GVQW3: variants seen among roughly 807,000 people sequenced by gnomAD.
GVQW3 encodes the protein protein GVQW3.
In GVQW3, 7 loss-of-function variants were observed where a neutral mutation model predicts 12.5. That is an observed-to-expected ratio of 0.56 (90% CI 0.32 to 1.05). The LOEUF is 1.05. Among genes scored for constraint, GVQW3 ranks in the 50% least tolerant of loss-of-function variants. The pLI is 0.04. For synonymous variants in GVQW3, 71 were observed against 67.2 expected (o/e 1.06, Z -0.28); for missense variants, 188 against 190.8 (o/e 0.99, Z 0.09).
chr11:76,401,693 AAC>A (rs1321296022), intron 1 of GVQW3, among the ~76,000 whole-genome samples: 4 of 151,376 alleles, frequency 2.6e-5, no homozygotes, highest in Admixed American at 1.3e-4. Flanking sequence ...GAACCACTTG[AAC>A]CTGGGAGGCG....
At chr11:76,387,760 A>G (rs1946849670) in intron 1 of GVQW3, among the ~76,000 whole-genome samples, 1 of 152,026 alleles carries the variant, frequency 6.6e-6, no homozygotes, top group Admixed American at 6.5e-5. Context: ...CATCTCTACA[A>G]AAAAATACAA....
rs1946768652 is a variant in GVQW3, at chr11:76,381,595, AT to A, written c.-231del. On this transcript the variant is annotated 5_prime_UTR_variant, in exon 1 of 2. It introduces an in-frame stop codon into an upstream open reading frame of the 5' UTR. Transcript: ENST00000529331. ...TTTGATGCAGACGTGGTTGTAGGCG[AT>A]TTAATTTTTCCCAGCTTTGCAGCGA... The A allele has an allele frequency of 4.3e-6, 2 of 469,694 alleles. No individual in the cohort carries two copies. Among genetic ancestry groups the A allele is most frequent in the Non-Finnish European group, 7.5e-6 (2 of 266,006 alleles). 29.1% of individuals were successfully genotyped at this position (469,694 alleles called of 1,614,324 possible).
At chr11:76,410,011 C>T (rs1458856477), downstream of GVQW3, among the ~76,000 whole-genome samples, 1 of 152,116 alleles carries the variant, frequency 6.6e-6, no homozygotes, top group African/African-American at 2.4e-5. Flanking sequence ...AATTCCAGCA[C>T]TTTGGGAGGC....
intron 1 of GVQW3, among the ~76,000 whole-genome samples, chr11:76,391,121 A>C (rs1470313095): frequency 6.6e-6 from 1 of 152,206 alleles, no homozygotes; most frequent in East Asian, 1.9e-4. Flanking sequence ...GTTGCTTTCT[A>C]TCTCTTGCCA....
rs1020725294 is a variant in GVQW3 at position 76,382,519 on chromosome 11, C to T, written c.465+226C>T. The stretch of plus-strand genomic sequence containing the variant: ...ATGCTGCCTCACTGTTAGGCACCTT[C>T]TTTGGCTGCTCACGTATTTTTCAGT... On this transcript the variant is annotated intron_variant, in intron 1 of 1. Transcript: ENST00000529331. The T allele has an allele frequency of 6.6e-5, 40 of 608,630 alleles. No individual in the cohort carries two copies. The African/African-American group carries it at 6.7e-4, about 10-fold the overall frequency. The allele number at this position is 608,630 out of a possible 1,614,324, so 37.7% of individuals were successfully genotyped here. A position where few individuals can be genotyped will look rare whatever the true frequency, so the allele number is the denominator to read the frequency against.
chr11:76,399,108 G>GTATTGTATTT, intron 1 of GVQW3, among the ~76,000 whole-genome samples: 1 of 152,128 alleles, frequency 6.6e-6, no homozygotes, highest in East Asian at 1.9e-4. Flanking sequence ...GTATTGTATT[G>GTATTGTATTT]TATTTTATTT....
Position 76,382,199 on chromosome 11 carries a change from G to A in GVQW3, c.371G>A (p.Gly124Asp). The A allele has an allele frequency of 1.3e-6, 2 of 1,536,190 alleles. No homozygotes were observed. The highest frequency in any genetic ancestry group is 1.7e-6 in the Non-Finnish European group (2 of 1,146,924). ...MRKISAKVIS[G>D]VLKGEPKPRK... ...AAGATTTCTGCAAAAGTTATTTCGG[G>A]TGTTTTGAAGGGTGAGCCTAAACCA... The change falls in exon 1 of 2, where the codon GGT becomes GAT. Residue 124 changes from glycine to aspartate, a missense_variant. Gly to Asp is a moderately conservative substitution (Grantham distance 94, BLOSUM62 -1). Coordinates refer to ENST00000529331, the MANE Select transcript of GVQW3 (RefSeq NM_001347885.2).
Position 76,407,947 on chromosome 11 carries a change from C to G in GVQW3, c.*4189C>G, listed in dbSNP as rs56410679. 2 of 151,630 alleles carry G rather than the reference C, an allele frequency of 1.3e-5. No homozygotes were observed. The highest frequency in any genetic ancestry group is 2.9e-5 in the Non-Finnish European group (2 of 67,926). 9.4% of individuals were successfully genotyped at this position (151,630 alleles called of 1,614,324 possible). A position where few individuals can be genotyped will look rare whatever the true frequency, so the allele number is the denominator to read the frequency against. ...CATTTTTACTTTCTGTATGCTAAAA[C>G]AAACCCCTCAAGATAGATCCAAAAC... On this transcript the variant is annotated 3_prime_UTR_variant, in exon 2 of 2. Coordinates refer to ENST00000529331, the MANE Select transcript of GVQW3 (RefSeq NM_001347885.2).
Position 76,406,794 on chromosome 11 carries a change from G to A in GVQW3, c.*3036G>A, listed in dbSNP as rs1947043226. 6.6e-6 allele frequency: 1 copy of A among 152,196 alleles called. No individual in the cohort carries two copies. Among genetic ancestry groups the A allele is most frequent in the African/African-American group, 2.4e-5 (1 of 41,442 alleles). The allele number at this position is 152,196 out of a possible 1,614,324, so 9.4% of individuals were successfully genotyped here. A position where few individuals can be genotyped will look rare whatever the true frequency, so the allele number is the denominator to read the frequency against. On this transcript the variant is annotated 3_prime_UTR_variant, in exon 2 of 2. Coordinates refer to ENST00000529331, the MANE Select transcript of GVQW3 (RefSeq NM_001347885.2). ...GAGGCCAAGGCGGGTCGATCACGAA[G>A]TCAGGAGATCGAGACCAACCTGGCT...
At chr11:76,382,586 T>C in intron 1 of GVQW3, 1 of 585,624 alleles carries the variant, frequency 1.7e-6, no homozygotes. Context: ...TCCTCATTAC[T>C]CTTTGCTGGA....
At chr11:76,382,535 A>AT (rs1946787898) in intron 1 of GVQW3, 3 of 604,844 alleles carry the variant, frequency 5.0e-6, no homozygotes, top group Non-Finnish European at 5.9e-6. Context: ...CTGCTCACGT[A>AT]TTTTTCAGTC....
chr11:76,397,479 T>A (rs1352486081), intron 1 of GVQW3, among the ~76,000 whole-genome samples: 2 of 152,238 alleles, frequency 1.3e-5, no homozygotes, highest in Non-Finnish European at 2.9e-5. Flanking sequence ...CCCTTAGGTA[T>A]ACACCTAGGA....
chr11:76,407,029 AAAATAAATAAAT>A lies in GVQW3; in HGVS notation c.*3281_*3292del, dbSNP rs1315073359. ...TCTCAAAAAATAAATAAAATAAAAT[AAAATAAATAAAT>A]AAATAAATATGCCCTCCCAGGTTGA... On this transcript the variant is annotated 3_prime_UTR_variant, in exon 2 of 2. Coordinates refer to ENST00000529331, the MANE Select transcript of GVQW3 (RefSeq NM_001347885.2). 1 of 151,712 alleles carries A rather than the reference AAAATAAATAAAT, an allele frequency of 6.6e-6. No individual in the cohort carries two copies. The highest frequency in any genetic ancestry group is 2.4e-5 in the African/African-American group (1 of 41,220). 9.4% of individuals were successfully genotyped at this position (151,712 alleles called of 1,614,324 possible).
chr11:76,404,476 T>C lies in GVQW3; in HGVS notation c.*718T>C, dbSNP rs1198887111. 1 of 152,606 alleles carries C rather than the reference T, an allele frequency of 6.6e-6. No homozygotes were observed. The highest frequency in any genetic ancestry group is 1.5e-5 in the Non-Finnish European group (1 of 68,322). 9.5% of individuals were successfully genotyped at this position (152,606 alleles called of 1,614,324 possible). A position where few individuals can be genotyped will look rare whatever the true frequency, so the allele number is the denominator to read the frequency against. ...CTGGAGCAAATATTCTGAAAAAGATTCCTCCTGTTTCCTATGGGAGTAGAC... is the reference window on the plus strand; with the variant it reads ...CTGGAGCAAATATTCTGAAAAAGATCCCTCCTGTTTCCTATGGGAGTAGAC... On this transcript the variant is annotated 3_prime_UTR_variant, in exon 2 of 2. Transcript: ENST00000529331.
chr11:76,404,205 C>G lies in GVQW3; in HGVS notation c.*447C>G, dbSNP rs1189867584. ...ATAGAACGAGGAGTTCAATCTGTGACTGACAGTGAACAATTGATTGAGATA... is the reference window on the plus strand; with the variant it reads ...ATAGAACGAGGAGTTCAATCTGTGAGTGACAGTGAACAATTGATTGAGATA... On this transcript the variant is annotated 3_prime_UTR_variant, in exon 2 of 2. Coordinates refer to ENST00000529331, the MANE Select transcript of GVQW3 (RefSeq NM_001347885.2). 7 of 398,850 alleles carry G rather than the reference C, an allele frequency of 1.8e-5. No individual in the cohort carries two copies. In the East Asian group the frequency reaches 2.5e-4, roughly 14 times the overall value. The allele number at this position is 398,850 out of a possible 1,614,324, so 24.7% of individuals were successfully genotyped here. A position where few individuals can be genotyped will look rare whatever the true frequency, so the allele number is the denominator to read the frequency against.
intron 1 of GVQW3, among the ~76,000 whole-genome samples, chr11:76,396,940 T>C (rs1946944712): frequency 6.6e-6 from 1 of 152,126 alleles, no homozygotes; most frequent in African/African-American, 2.4e-5. Context: ...GTCTGGCTTC[T>C]TTCACTTAGC....
downstream of GVQW3, among the ~76,000 whole-genome samples, chr11:76,409,768 T>A (rs1412164655): frequency 6.6e-6 from 1 of 152,190 alleles, no homozygotes; most frequent in Non-Finnish European, 1.5e-5. Flanking sequence ...ACAGAGTCTG[T>A]GATCAGTAAT....
In GVQW3 at chr11:76,406,834, CCG is replaced by C. The variant is rs1317599148; in HGVS notation, c.*3077_*3078del. The C allele has an allele frequency of 2.6e-5, 4 of 152,054 alleles. No individual in the cohort carries two copies. The highest frequency in any genetic ancestry group is 5.9e-5 in the Non-Finnish European group (4 of 68,046). 9.4% of individuals were successfully genotyped at this position (152,054 alleles called of 1,614,324 possible). On this transcript the variant is annotated 3_prime_UTR_variant, in exon 2 of 2. Coordinates refer to ENST00000529331, the MANE Select transcript of GVQW3 (RefSeq NM_001347885.2). The stretch of plus-strand genomic sequence containing the variant: ...CCAACCTGGCTAACACAGTGAAACC[CCG>C]TCTCTACCAAAAATACAAAAAATTA...
At position 76,390,423 on chromosome 11, in the gene GVQW3, A is replaced by G. The variant is rs554521074; in HGVS notation, c.465+8130A>G. Among the ~76,000 whole-genome samples the G allele has an allele frequency of 1.9e-4, 29 of 152,348 alleles. No homozygotes were observed. The East Asian group carries it at 5.2e-3, about 27-fold the overall frequency. ...GGAGTTGTTCATTTTGTTCATTTCA[A>G]CAATATTTATTGAGTGCTTATCTGT... On this transcript the variant is annotated intron_variant, in intron 1 of 1. Coordinates refer to ENST00000529331, the MANE Select transcript of GVQW3 (RefSeq NM_001347885.2).
Sources: allele counts gnomAD v4.1 joint callset (sites outside exome capture counted in the v4.1 genomes callset), GRCh38; gene constraint gnomAD v4.1.1; transcripts MANE v1.5; gene names NCBI Gene and HGNC (gene_info 2026-07-23, HGNC 2026-07-21).